MGMT: variants seen among roughly 807,000 people sequenced by gnomAD.
MGMT encodes methylated-DNA--protein-cysteine methyltransferase.
Under a neutral mutation model 15.9 loss-of-function variants are expected in MGMT, and 14 were observed. The ratio of observed to expected loss-of-function variants is 0.88; its 90% confidence interval spans 0.58 to 1.37. The LOEUF (loss-of-function observed/expected upper bound fraction) is 1.37. Ranked by LOEUF, MGMT falls within the 40% of genes most tolerant of loss-of-function variation. The pLI, the probability that MGMT is intolerant of heterozygous loss-of-function variation, is 0.00. For synonymous variants in MGMT, 130 were observed against 118.2 expected, an observed-to-expected ratio of 1.10 and a Z score of -0.65; for missense variants, 282 against 268.1, an observed-to-expected ratio of 1.05 and a Z score of -0.36.
At chr10:129,617,478 G>A (rs113713563) in intron 2 of MGMT, among the ~76,000 whole-genome samples, 2 of 152,140 alleles carry the variant, frequency 1.3e-5, no homozygotes, top group African/African-American at 4.8e-5. Flanking sequence ...CAGTAATTGT[G>A]TTTTAAGTTC....
At chr10:129,549,532 A>G (rs118023891) in intron 2 of MGMT, among the ~76,000 whole-genome samples, 4,093 of 152,342 alleles carry the variant, frequency 0.027, 91 homozygotes, top group South Asian at 0.064. Flanking sequence ...TGCATCTATT[A>G]TTACAAACTC....
chr10:129,603,225 A>G (rs1846845834), intron 2 of MGMT, among the ~76,000 whole-genome samples: 1 of 152,234 alleles, frequency 6.6e-6, no homozygotes, highest in Non-Finnish European at 1.5e-5. Context: ...AGCTGTATAA[A>G]AAACTGCTTC....
At chr10:129,635,859 GAT>G (rs1210268903) in intron 2 of MGMT, among the ~76,000 whole-genome samples, 2 of 152,166 alleles carry the variant, frequency 1.3e-5, no homozygotes, top group African/African-American at 4.8e-5. Context: ...ATCTGTCAGA[GAT>G]GAGAATAAGA....
intron 2 of MGMT, among the ~76,000 whole-genome samples, chr10:129,694,562 C>G (rs1234926857): frequency 6.6e-6 from 1 of 152,204 alleles, no homozygotes; most frequent in Non-Finnish European, 1.5e-5. Context: ...AATTGGCTAG[C>G]TTCGAAGCTA....
chr10:129,469,732 G>A (rs1287760060), intron 1 of MGMT, among the ~76,000 whole-genome samples: 1 of 152,158 alleles, frequency 6.6e-6, no homozygotes, highest in African/African-American at 2.4e-5. Context: ...TTAGAGACAA[G>A]GTCTTGGTCT....
At chr10:129,576,450 A>G (rs1846483973) in intron 2 of MGMT, among the ~76,000 whole-genome samples, 1 of 152,256 alleles carries the variant, frequency 6.6e-6, no homozygotes, top group Non-Finnish European at 1.5e-5. Flanking sequence ...GATTATCTCA[A>G]TAGATGCAGA....
At chr10:129,657,727 A>C (rs1267937329) in intron 2 of MGMT, among the ~76,000 whole-genome samples, 18 of 138,240 alleles carry the variant, frequency 1.3e-4, no homozygotes, top group East Asian at 6.0e-4. Context: ...ACACACACAC[A>C]CCCCCTCTCC....
chr10:129,637,476 GA>G, intron 2 of MGMT, among the ~76,000 whole-genome samples: 3 of 152,276 alleles, frequency 2.0e-5, no homozygotes, highest in Admixed American at 2.0e-4. Flanking sequence ...ACTTGAAAAT[GA>G]ATTTTCATTA....
intron 3 of MGMT, among the ~76,000 whole-genome samples, chr10:129,715,793 A>G (rs1848287863): frequency 6.6e-6 from 1 of 152,246 alleles, no homozygotes; most frequent in Non-Finnish European, 1.5e-5. Context: ...GCAGGAGCTG[A>G]AAGTGTAAGA....
At chr10:129,740,622 C>T (rs149500290) in intron 3 of MGMT, among the ~76,000 whole-genome samples, 120 of 152,282 alleles carry the variant, frequency 7.9e-4, no homozygotes, top group African/African-American at 2.7e-3. Context: ...GACAGGACAG[C>T]GTTCTAGGAA....
At chr10:129,518,759 A>G (rs777316407) in intron 1 of MGMT, among the ~76,000 whole-genome samples, 17 of 150,976 alleles carry the variant, frequency 1.1e-4, no homozygotes, top group Non-Finnish European at 2.1e-4. Flanking sequence ...TTGAATGTTT[A>G]TGTTATCATT....
intron 2 of MGMT, among the ~76,000 whole-genome samples, chr10:129,588,703 A>C (rs1409659037): frequency 6.6e-6 from 1 of 152,162 alleles, no homozygotes; most frequent in Non-Finnish European, 1.5e-5. Context: ...CCCTCAGCCC[A>C]TACTCTCCTC....
chr10:129,577,948 G>C lies in MGMT; in HGVS notation c.125+41571G>C, dbSNP rs56896247. On this transcript the variant is annotated intron_variant, in intron 2 of 4. Coordinates refer to ENST00000651593, the MANE Select transcript of MGMT (RefSeq NM_002412.5). Reference sequence around the variant, plus strand: ...CATGAAAAAATGCTCACCATCACTGGCCATCAGAGAAATGCAACTCAAAAC... The same window carrying C: ...CATGAAAAAATGCTCACCATCACTGCCCATCAGAGAAATGCAACTCAAAAC... Among the ~76,000 whole-genome samples the C allele has an allele frequency of 8.3e-3, 1,268 of 152,252 alleles. 23 individuals carry two copies. The highest frequency in any genetic ancestry group is 0.029 in the African/African-American group (1,206 of 41,536).
intron 3 of MGMT, among the ~76,000 whole-genome samples, chr10:129,741,076 G>C (rs376632825): frequency 1.3e-5 from 2 of 152,144 alleles, no homozygotes; most frequent in African/African-American, 4.8e-5. Context: ...TGGGTACCAA[G>C]GACCATGGCG....
intron 2 of MGMT, 73 bp from the exon 3 acceptor site, chr10:129,707,822 G>A: frequency 6.9e-6 from 11 of 1,589,052 alleles, no homozygotes; most frequent in Non-Finnish European, 9.4e-6. Context: ...TTTAGATGCA[G>A]TAGGTGTTTG....
intron 1 of MGMT, among the ~76,000 whole-genome samples, chr10:129,481,915 C>G (rs1845362403): frequency 6.6e-6 from 1 of 152,070 alleles, no homozygotes; most frequent in African/African-American, 2.4e-5. Flanking sequence ...TTACTGATTT[C>G]TCCTGTTTAT....
At chr10:129,496,293 C>T (rs979174802) in intron 1 of MGMT, among the ~76,000 whole-genome samples, 1 of 152,124 alleles carries the variant, frequency 6.6e-6, no homozygotes, top group Non-Finnish European at 1.5e-5. Context: ...TGGTCCGATT[C>T]TTGCCTGGGT....
intron 2 of MGMT, among the ~76,000 whole-genome samples, chr10:129,579,691 A>G (rs1422137322): frequency 2.0e-5 from 3 of 152,196 alleles, no homozygotes; most frequent in African/African-American, 7.2e-5. Context: ...CCTTACTATT[A>G]TATGCTCAGA....
intron 4 of MGMT, among the ~76,000 whole-genome samples, chr10:129,764,747 C>T: frequency 6.6e-6 from 1 of 152,228 alleles, no homozygotes; most frequent in Non-Finnish European, 1.5e-5. Context: ...CGGAGGTAGC[C>T]TGGACACGCC....
Sources: gnomAD v4.1 joint callset for allele counts (sites outside exome capture counted in the v4.1 genomes callset) on GRCh38, gnomAD v4.1.1 for gene constraint, MANE v1.5 for transcripts, NCBI Gene and HGNC (gene_info 2026-07-23, HGNC 2026-07-21) for gene names.